The following SYNPR variants were observed in gnomAD, a reference collection of about 807,000 sequenced individuals.
SYNPR encodes the protein synaptoporin.
In SYNPR, 23 loss-of-function variants were observed where a neutral mutation model predicts 32.9. The ratio of observed to expected loss-of-function variants is 0.70; its 90% CI spans 0.50 to 0.99. The LOEUF is 0.99. Ranked by LOEUF, SYNPR falls within the 50% of genes least tolerant of loss-of-function variation. The pLI is 0.00. For missense variants in SYNPR, 318 were observed against 349.3 expected, an observed-to-expected ratio of 0.91 and a Z score of 0.71; for synonymous variants, 146 against 135.9, an observed-to-expected ratio of 1.07 and a Z score of -0.52.
At position 63,443,278 on chromosome 3, in the gene SYNPR, G is replaced by A. The variant is rs1438675082; in HGVS notation, c.85-37554G>A. 21 of 1,462,612 alleles carry A rather than the reference G, an allele frequency of 1.4e-5. No homozygotes were observed. The East Asian group carries it at 5.2e-4, about 37-fold the overall frequency. The allele number at this position is 1,462,612 out of a possible 1,614,324, so 90.6% of individuals were successfully genotyped here. A position where few individuals can be genotyped will look rare whatever the true frequency, so the allele number is the denominator to read the frequency against. On this transcript the variant is annotated intron_variant, in intron 2 of 5. Coordinates refer to ENST00000478300, the MANE Select transcript of SYNPR (RefSeq NM_001130003.2). ...TGAGGCTGAAGCTGCTATCTGATTG[G>A]TATAACATCTCACTTTCCCTCTGCA...
At chr3:63,596,302 C>T (rs1384617476) in intron 4 of SYNPR, among the ~76,000 whole-genome samples, 1 of 137,336 alleles carries the variant, frequency 7.3e-6, no homozygotes, top group Non-Finnish European at 1.6e-5. Context: ...CCCCTCCTCC[C>T]CCTTCTCCTT....
chr3:63,595,759 ATATATATAT>A (rs1375399523), intron 4 of SYNPR, among the ~76,000 whole-genome samples: 11 of 53,076 alleles, frequency 2.1e-4, no homozygotes, highest in African/African-American at 9.1e-4. Flanking sequence ...ATATATATAT[ATATATATAT>A]AATTTTATAT....
At chr3:63,248,743 C>T (rs552379558) in intron 1 of SYNPR, among the ~76,000 whole-genome samples, 68 of 152,166 alleles carry the variant, frequency 4.5e-4, no homozygotes, top group African/African-American at 1.5e-3. Context: ...ATCCATTGTG[C>T]TAATTAGTTA....
rs62251430 is a variant in SYNPR, at chr3:63,425,629, C to A, written c.85-55203C>A. ...GCTCTGGGATCTGCCTGCCTAGGTT[C>A]AAATTCAGGCTTCATCCATTACTAT... On this transcript the variant is annotated intron_variant, in intron 2 of 5. Coordinates refer to ENST00000478300, the MANE Select transcript of SYNPR (RefSeq NM_001130003.2). Among the ~76,000 whole-genome samples, 451 of 152,200 alleles carry A rather than the reference C, an allele frequency of 3.0e-3. 4 individuals carry two copies. The highest frequency in any genetic ancestry group is 0.01 in the African/African-American group (430 of 41,530).
chr3:63,614,072 T>A (rs1046024249), intron 5 of SYNPR, among the ~76,000 whole-genome samples: 3 of 152,168 alleles, frequency 2.0e-5, no homozygotes, highest in African/African-American at 7.2e-5. Flanking sequence ...CATCTCACTG[T>A]CCAGAAACTA....
At chr3:63,259,797 G>A (rs996023704) in intron 2 of SYNPR, among the ~76,000 whole-genome samples, 8 of 152,178 alleles carry the variant, frequency 5.3e-5, no homozygotes, top group South Asian at 2.1e-4. Flanking sequence ...CCTGTTTGCC[G>A]ATGACATGAT....
intron 2 of SYNPR, among the ~76,000 whole-genome samples, chr3:63,318,236 C>T (rs191276867): frequency 3.0e-4 from 45 of 151,932 alleles, no homozygotes; most frequent in African/African-American, 7.0e-4. Flanking sequence ...TGTGCCTAGG[C>T]AAAGATCTTT....
intron 1 of SYNPR, among the ~76,000 whole-genome samples, chr3:63,239,676 T>C (rs1011916616): frequency 1.2e-4 from 18 of 151,464 alleles, no homozygotes; most frequent in African/African-American, 4.1e-4. Context: ...CACCTTACCA[T>C]TGTCATCTAT....
intron 2 of SYNPR, among the ~76,000 whole-genome samples, chr3:63,454,411 C>T (rs1292898302): frequency 6.6e-6 from 1 of 152,162 alleles, no homozygotes; most frequent in African/African-American, 2.4e-5. Context: ...AACACCACTT[C>T]TTCTGCTTCC....
At chr3:63,463,767 C>G (rs1700630141) in intron 2 of SYNPR, among the ~76,000 whole-genome samples, 3 of 152,166 alleles carry the variant, frequency 2.0e-5, no homozygotes, top group Admixed American at 2.0e-4. Context: ...TCCTCATCTC[C>G]TCTCATCAGG....
At chr3:63,456,628 G>T (rs1700487680) in intron 2 of SYNPR, among the ~76,000 whole-genome samples, 1 of 152,068 alleles carries the variant, frequency 6.6e-6, no homozygotes, top group South Asian at 2.1e-4. Flanking sequence ...TTAAGAGTGT[G>T]GAACTAGGAA....
chr3:63,243,235 A>C (rs1262588810), intron 1 of SYNPR, among the ~76,000 whole-genome samples: 1 of 152,096 alleles, frequency 6.6e-6, no homozygotes, highest in African/African-American at 2.4e-5. Flanking sequence ...TCTAAATAGC[A>C]CAAAGAAAAA....
intron 2 of SYNPR, among the ~76,000 whole-genome samples, chr3:63,301,458 G>A (rs2086856801): frequency 1.3e-5 from 2 of 152,066 alleles, no homozygotes; most frequent in African/African-American, 4.8e-5. Flanking sequence ...AGCTATTTTT[G>A]TAAGTTGGAT....
intron 2 of SYNPR, among the ~76,000 whole-genome samples, chr3:63,306,036 A>G (rs1310080164): frequency 6.6e-6 from 1 of 151,986 alleles, no homozygotes; most frequent in Non-Finnish European, 1.5e-5. Flanking sequence ...TTTAGATGCC[A>G]CTTCTCCATC....
chr3:63,423,758 G>C (rs1699842238), intron 2 of SYNPR: 1 of 152,218 alleles, frequency 6.6e-6, no homozygotes, highest in African/African-American at 2.4e-5. Flanking sequence ...TCTTGGCTCT[G>C]TTAATGCCTA....
chr3:63,360,693 C>T (rs887031945), intron 2 of SYNPR, among the ~76,000 whole-genome samples: 1 of 152,222 alleles, frequency 6.6e-6, no homozygotes, highest in African/African-American at 2.4e-5. Context: ...TTTCTAACTC[C>T]CCTTGGCCTA....
At chr3:63,489,168 T>C (rs1237564564) in intron 3 of SYNPR, among the ~76,000 whole-genome samples, 1 of 152,038 alleles carries the variant, frequency 6.6e-6, no homozygotes, top group African/African-American at 2.4e-5. Context: ...AAGAAGTAGA[T>C]TAATTGGCAA....
intron 2 of SYNPR, among the ~76,000 whole-genome samples, chr3:63,347,829 T>A (rs2087456279): frequency 6.6e-6 from 1 of 151,992 alleles, no homozygotes; most frequent in Non-Finnish European, 1.5e-5. Context: ...CTGAATAGTA[T>A]TCCATTGTGT....
intron 2 of SYNPR, among the ~76,000 whole-genome samples, chr3:63,284,751 T>A (rs2086663976): frequency 6.6e-6 from 1 of 152,214 alleles, no homozygotes; most frequent in Non-Finnish European, 1.5e-5. Flanking sequence ...GTGAAATGTG[T>A]CGTCATAACA....
Sources: allele counts gnomAD v4.1 joint callset (sites outside exome capture counted in the v4.1 genomes callset), GRCh38; gene constraint gnomAD v4.1.1; transcripts MANE v1.5; gene names NCBI Gene and HGNC (gene_info 2026-07-23, HGNC 2026-07-21).